Variants in PALD1 observed in about 807,000 individuals in gnomAD.
The protein encoded by PALD1 is paladin.
Under a neutral mutation model 96.0 loss-of-function variants are expected in PALD1, and 57 were observed. The ratio of observed to expected loss-of-function variants is 0.59; its 90% CI spans 0.48 to 0.74. PALD1 has a LOEUF of 0.74. PALD1 is among the 30% of genes least tolerant of loss of function. The pLI, the probability that PALD1 is intolerant of heterozygous loss-of-function variation, is 0.00. For missense variants in PALD1, 1,063 were observed against 1,143.7 expected (o/e 0.93, Z 1.02); for synonymous variants, 464 against 473.6 (o/e 0.98, Z 0.26).
chr10:70,529,474 G>C, intron 3 of PALD1, 143 bp downstream of exon 3: 1 of 599,278 alleles, frequency 1.7e-6, no homozygotes, highest in East Asian at 2.9e-5. Context: ...CCCTAGGATG[G>C]AGCTAGCACC....
intron 18 of PALD1, among the ~76,000 whole-genome samples, 153 bp from the exon 19 acceptor site, chr10:70,564,211 T>C (rs531312427): frequency 1.3e-5 from 2 of 152,224 alleles, no homozygotes; most frequent in East Asian, 3.9e-4. Context: ...CCTGGCTTGC[T>C]CCATTGCTTG....
chr10:70,460,436 T>C, the PALD1 span, among the ~76,000 whole-genome samples: 1 of 152,338 alleles, frequency 6.6e-6, no homozygotes, highest in African/African-American at 2.4e-5. Flanking sequence ...TCATCAAGAC[T>C]GAACTCCTCT....
intron 1 of PALD1, among the ~76,000 whole-genome samples, chr10:70,481,422 G>A (rs1158163528): frequency 6.6e-6 from 1 of 152,186 alleles, no homozygotes; most frequent in African/African-American, 2.4e-5. Flanking sequence ...TTTGGGGTTT[G>A]AGGACCCCAA....
chr10:70,510,723 G>A (rs1033809467), intron 1 of PALD1, among the ~76,000 whole-genome samples: 1 of 152,238 alleles, frequency 6.6e-6, no homozygotes, highest in Non-Finnish European at 1.5e-5. Context: ...GAAAAGGAGA[G>A]ACTGCCCTCC....
At position 70,566,790 on chromosome 10, in the gene PALD1, G is replaced by C; in HGVS notation, c.*57G>C. 1 of 1,270,446 alleles carries C rather than the reference G, an allele frequency of 7.9e-7. No homozygotes were observed. Among genetic ancestry groups the C allele is most frequent in the South Asian group, 1.4e-5 (1 of 73,826 alleles). 78.7% of individuals were successfully genotyped at this position (1,270,446 alleles called of 1,614,324 possible). The stretch of plus-strand genomic sequence containing the variant: ...GGCCCCACGCAGGCCTGGGGTGTCT[G>C]AGGTGCTCTTGGCTGGGAGCGGCCC... On this transcript the variant is annotated 3_prime_UTR_variant, in exon 20 of 20. Transcript: ENST00000263563.
chr10:70,543,736 G>C (rs1473468814), intron 17 of PALD1, among the ~76,000 whole-genome samples: 1 of 152,074 alleles, frequency 6.6e-6, no homozygotes, highest in African/African-American at 2.4e-5. Context: ...TCTTTGCATC[G>C]GTGCCTTGAA....
intron 1 of PALD1, among the ~76,000 whole-genome samples, chr10:70,497,479 G>A (rs1001362326): frequency 3.9e-5 from 6 of 152,160 alleles, no homozygotes; most frequent in Admixed American, 6.5e-5. Context: ...GGGTGGTGGT[G>A]CCTTTAGCTC....
At position 70,568,397 on chromosome 10, in the gene PALD1, G is replaced by GTT; in HGVS notation, c.*1664_*1665insTT. On this transcript the variant is annotated 3_prime_UTR_variant, in exon 20 of 20. Transcript: ENST00000263563. ...AGGGGTGTTGTGAGGATTCATTTGTGATTTTTTTTTTTTTTGTACAGAGCT... is the reference window on the plus strand; with the variant it reads ...AGGGGTGTTGTGAGGATTCATTTGTGTTATTTTTTTTTTTTTTGTACAGAGCT... 3.4e-5 allele frequency: 1 copy of GTT among 29,836 alleles called. No individual in the cohort carries two copies. 1.8% of individuals were successfully genotyped at this position (29,836 alleles called of 1,614,324 possible).
In PALD1 at chr10:70,534,434, C is replaced by A. The variant is rs774863944; in HGVS notation, c.1032C>A (p.Pro344=). The change falls in exon 9 of 20, where the codon CCC becomes CCA. Residue 344 remains proline (P), a synonymous_variant. Transcript: ENST00000263563. ...SGTTSQPEAA[P]TQAKPLPMEQ... Reference sequence around the variant, plus strand: ...GACCCTGCCTCGACAGGGCTGCCCCCACGCAGGCCAAGCCCCTGCCTATGG... The same window carrying A: ...GACCCTGCCTCGACAGGGCTGCCCCAACGCAGGCCAAGCCCCTGCCTATGG... 15 of 1,608,672 alleles carry A rather than the reference C, an allele frequency of 9.3e-6. No individual in the cohort carries two copies. The highest frequency in any genetic ancestry group is 1.7e-4 in the Middle Eastern group (1 of 6,028).
chr10:70,494,349 A>G (rs1047419622), intron 1 of PALD1, among the ~76,000 whole-genome samples: 1 of 152,258 alleles, frequency 6.6e-6, no homozygotes, highest in Non-Finnish European at 1.5e-5. Flanking sequence ...TCTGGCTCCT[A>G]GAACAGTGCC....
intron 1 of PALD1, among the ~76,000 whole-genome samples, chr10:70,520,906 G>A (rs1846720973): frequency 6.6e-6 from 1 of 151,830 alleles, no homozygotes. Flanking sequence ...TGGCCAAGCT[G>A]GTCTCGAATT....
rs1409161377 is a variant in PALD1 at position 70,531,293 on chromosome 10, TG to T, written c.473del (p.Cys158LeufsTer61). Reference sequence around the variant, plus strand: ...TTCCCCCTCGGGCTCCTGGCAGGAGTGTGTCATCTTCTGTGTGCGGGAGGAA... The same window carrying T: ...TTCCCCCTCGGGCTCCTGGCAGGAGTTGTCATCTTCTGTGTGCGGGAGGAA... ...QKLQKDGHRE[C>X]VIFCVREEPV... On this transcript the variant is annotated frameshift_variant, in exon 5 of 20. Coordinates refer to ENST00000263563, the MANE Select transcript of PALD1 (RefSeq NM_014431.3). LOFTEE classifies it high-confidence loss of function. The T allele has an allele frequency of 6.2e-7, 1 of 1,609,466 alleles. No homozygotes were observed.
chr10:70,472,199 G>A, the PALD1 span, among the ~76,000 whole-genome samples: 1 of 152,194 alleles, frequency 6.6e-6, no homozygotes. Flanking sequence ...GTCAGAGTGA[G>A]ACATCCTTGG....
chr10:70,467,463 C>T, the PALD1 span, among the ~76,000 whole-genome samples: 1 of 151,988 alleles, frequency 6.6e-6, no homozygotes, highest in Non-Finnish European at 1.5e-5. Flanking sequence ...GTGAGGGGAG[C>T]CACTGAGAAG....
rs758055301 is a variant in PALD1, at chr10:70,533,014, C to A, written c.814C>A (p.Pro272Thr). ...TGGCAGGTACCACCGCCTGCCCCTG[C>A]CCGAGCAAGGGAGTCCCCTGGAGGC... The part of the protein sequence containing the change: ...PTYRYHRLPL[P>T]EQGSPLEAQL... Residue 272 changes from proline (P) to threonine (T), a missense_variant, in exon 7 of 20, where the codon CCC (proline) becomes ACC (threonine). By Grantham distance (38) the Pro-to-Thr change is conservative (BLOSUM62 -1). Transcript: ENST00000263563. The A allele has an allele frequency of 6.3e-7, 1 of 1,584,234 alleles. No individual in the cohort carries two copies. The highest frequency in any genetic ancestry group is 1.8e-5 in the Admixed American group (1 of 56,040).
chr10:70,460,887 T>C, the PALD1 span, among the ~76,000 whole-genome samples: 1 of 152,062 alleles, frequency 6.6e-6, no homozygotes, highest in Non-Finnish European at 1.5e-5. Flanking sequence ...GAACCCCGTC[T>C]CTACTAAAAA....
intron 1 of PALD1, among the ~76,000 whole-genome samples, chr10:70,479,641 C>T (rs1222592507): frequency 6.6e-6 from 1 of 152,192 alleles, no homozygotes; most frequent in Non-Finnish European, 1.5e-5. Flanking sequence ...CTATGGGAGA[C>T]CCGGCTCCTG....
chr10:70,535,590 C>T lies in PALD1; in HGVS notation c.1227+747C>T, dbSNP rs139963084. On this transcript the variant is annotated intron_variant, in intron 10 of 19. Coordinates refer to ENST00000263563, the MANE Select transcript of PALD1 (RefSeq NM_014431.3). ...CTCTTCCTTCCTCCTCCTTCTTCCTCCTTCCTTCTCCTTCCTCTTCCTCCT... is the reference window on the plus strand; with the variant it reads ...CTCTTCCTTCCTCCTCCTTCTTCCTTCTTCCTTCTCCTTCCTCTTCCTCCT... Among the ~76,000 whole-genome samples, 990 of 143,286 alleles carry T rather than the reference C, an allele frequency of 6.9e-3. 13 individuals are homozygous for T. The highest frequency in any genetic ancestry group is 0.025 in the African/African-American group (924 of 36,680). The allele number at this position is 143,286 out of a possible 152,430, so 94.0% of individuals were successfully genotyped here. A position where few individuals can be genotyped will look rare whatever the true frequency, so the allele number is the denominator to read the frequency against.
chr10:70,480,837 G>A (rs146731807), intron 1 of PALD1, among the ~76,000 whole-genome samples: 5 of 152,318 alleles, frequency 3.3e-5, no homozygotes, highest in African/African-American at 9.6e-5. Context: ...ACGTGAGTGC[G>A]TGTGTGTGCT....
Sources: gnomAD v4.1 joint callset for allele counts (sites outside exome capture counted in the v4.1 genomes callset) on GRCh38, gnomAD v4.1.1 for gene constraint, MANE v1.5 for transcripts, NCBI Gene and HGNC (gene_info 2026-07-23, HGNC 2026-07-21) for gene names.